The following ASCC3 variants were observed in gnomAD, a reference collection of about 807,000 sequenced individuals.
ASCC3 encodes activating signal cointegrator 1 complex subunit 3.
ASCC3 carries 158 observed loss-of-function variants against 256.3 expected under a neutral mutation model. The observed-to-expected ratio is 0.62, with a 90% CI of 0.54 to 0.70. The LOEUF (loss-of-function observed/expected upper bound fraction) is 0.70, where lower values mean the gene tolerates loss of function less well. ASCC3 is among the 30% of genes least tolerant of loss of function. ASCC3 has a pLI of 0.00. For synonymous variants in ASCC3, 948 were observed against 883.4 expected (o/e 1.07, Z -1.30); for missense variants, 2,259 against 2,626.0 (o/e 0.86, Z 3.05).
At chr6:100,540,449 G>A in intron 36 of ASCC3, 62 bp from the exon 37 acceptor site, 1 of 1,346,402 alleles carries the variant, frequency 7.4e-7, no homozygotes, top group South Asian at 1.2e-5. Context: ...GTACTTCTTA[G>A]CTTTACTGAC....
intron 14 of ASCC3, among the ~76,000 whole-genome samples, chr6:100,666,713 G>A (rs944610646): frequency 4.1e-4 from 62 of 152,080 alleles, no homozygotes; most frequent in African/African-American, 8.5e-4. Context: ...ATCCACCTGT[G>A]TTATAATACA....
At chr6:100,685,489 C>T (rs1008348428) in intron 13 of ASCC3, among the ~76,000 whole-genome samples, 1 of 152,218 alleles carries the variant, frequency 6.6e-6, no homozygotes, top group Non-Finnish European at 1.5e-5. Flanking sequence ...GAGTCAGAAA[C>T]TCTGAGGGTG....
At chr6:100,832,559 G>A (rs12527901) in intron 4 of ASCC3, among the ~76,000 whole-genome samples, 22,437 of 151,872 alleles carry the variant, frequency 0.15, 2,715 homozygotes, top group East Asian at 0.36. Flanking sequence ...ACACTCAAAT[G>A]AATAAATCAT....
chr6:100,798,034 T>C (rs555399090), intron 8 of ASCC3, among the ~76,000 whole-genome samples: 1 of 152,272 alleles, frequency 6.6e-6, no homozygotes, highest in East Asian at 1.9e-4. Flanking sequence ...GAGTATTCTT[T>C]ATGATGCTTT....
intron 4 of ASCC3, among the ~76,000 whole-genome samples, chr6:100,817,425 T>G (rs989579067): frequency 4.0e-5 from 6 of 151,128 alleles, no homozygotes; most frequent in Non-Finnish European, 5.9e-5. Context: ...TAATAAAGCT[T>G]AGAGCAAAAA....
chr6:100,650,428 G>GT, intron 20 of ASCC3, 110 bp downstream of exon 20: 1 of 1,081,798 alleles, frequency 9.2e-7, no homozygotes, highest in Non-Finnish European at 1.4e-6. Flanking sequence ...TAAAATGGTG[G>GT]TTTGGTAGCA....
intron 23 of ASCC3, among the ~76,000 whole-genome samples, chr6:100,643,791 T>C (rs1233818998): frequency 6.6e-6 from 1 of 150,850 alleles, no homozygotes; most frequent in African/African-American, 2.5e-5. Flanking sequence ...TGGTCCCTTG[T>C]TCACTGAAAT....
intron 13 of ASCC3, among the ~76,000 whole-genome samples, chr6:100,703,432 G>A (rs188172816): frequency 1.4e-4 from 22 of 152,044 alleles, no homozygotes; most frequent in African/African-American, 5.3e-4. Flanking sequence ...TTTGGTGACA[G>A]TAAAATAAGT....
At position 100,601,894 on chromosome 6, in the gene ASCC3, G is replaced by C; in HGVS notation, c.5219C>G (p.Ala1740Gly). 1 of 1,612,438 alleles carries C rather than the reference G, an allele frequency of 6.2e-7. No homozygotes were observed. The highest frequency in any genetic ancestry group is 8.5e-7 in the Non-Finnish European group (1 of 1,178,822). The stretch of plus-strand genomic sequence containing the variant: ...TTGCTTAGATGTAATTGTACCACCA[G>C]CAATCTCTGCATTTAAGTGGTCAGA... Reference protein sequence around the residue: ...VLSDHLNAEIAGGTITSKQDA... With the variant: ...VLSDHLNAEIGGGTITSKQDA... Residue 1740 changes from alanine to glycine, a missense_variant, in exon 34 of 42, where the codon GCT becomes GGT. Around this residue, in one of 2 missense-constraint regions of ASCC3, gnomAD observed 1,839 missense variants for 2,206.7 expected, o/e 0.83. Transcript: ENST00000369162.
intron 10 of ASCC3, among the ~76,000 whole-genome samples, chr6:100,739,201 T>C (rs1460967944): frequency 6.6e-6 from 1 of 152,222 alleles, no homozygotes; most frequent in Admixed American, 6.5e-5. Flanking sequence ...GAGATATTCA[T>C]GTGGTTTTTG....
intron 13 of ASCC3, among the ~76,000 whole-genome samples, chr6:100,696,319 ATATT>A (rs1420717933): frequency 1.3e-5 from 2 of 152,178 alleles, no homozygotes; most frequent in African/African-American, 4.8e-5. Flanking sequence ...TCATATTTGA[ATATT>A]TATCTCCTTT....
chr6:100,667,601 T>A (rs1776544665), intron 14 of ASCC3, among the ~76,000 whole-genome samples: 1 of 151,996 alleles, frequency 6.6e-6, no homozygotes. Context: ...AGGTTAAAGT[T>A]GGCTAGAAAG....
intron 30 of ASCC3, among the ~76,000 whole-genome samples, chr6:100,618,606 C>T (rs1332213755): frequency 6.6e-6 from 1 of 152,132 alleles, no homozygotes; most frequent in Non-Finnish European, 1.5e-5. Context: ...CTTCCTTTTC[C>T]TCACGAAGGC....
chr6:100,613,843 G>A (rs1313127416), intron 30 of ASCC3, among the ~76,000 whole-genome samples: 1 of 152,046 alleles, frequency 6.6e-6, no homozygotes, highest in East Asian at 1.9e-4. Context: ...GATGATAATA[G>A]CCATTTTGAC....
chr6:100,530,488 G>C (rs537033087), intron 37 of ASCC3: 1 of 790,152 alleles, frequency 1.3e-6, no homozygotes, highest in African/African-American at 1.7e-5. Flanking sequence ...CTGTACAATA[G>C]AGACAAAGAT....
chr6:100,644,244 C>G, intron 22 of ASCC3, 115 bp from the exon 23 acceptor site: 1 of 736,234 alleles, frequency 1.4e-6, no homozygotes, highest in East Asian at 2.7e-5. Context: ...ACAAAGTTTA[C>G]TCATTTAAAC....
At chr6:100,569,682 G>A (rs1339260492) in intron 36 of ASCC3, among the ~76,000 whole-genome samples, 1 of 152,100 alleles carries the variant, frequency 6.6e-6, no homozygotes, top group Non-Finnish European at 1.5e-5. Context: ...GTCGGTTACT[G>A]TAACCTTTTA....
Position 100,608,125 on chromosome 6 carries a change from T to TATATATGTATATATATCTATATAC in ASCC3, c.4786-1038_4786-1037insGTATATAGATATATATACATATAT. Among the ~76,000 whole-genome samples the TATATATGTATATATATCTATATAC allele has an allele frequency of 1.8e-5, 2 of 113,680 alleles. 1 individual carries two copies. The highest frequency in any genetic ancestry group is 6.6e-5 in the African/African-American group (2 of 30,224). The allele number at this position is 113,680 out of a possible 152,430, so 74.6% of individuals were successfully genotyped here. A position where few individuals can be genotyped will look rare whatever the true frequency, so the allele number is the denominator to read the frequency against. On this transcript the variant is annotated intron_variant, in intron 30 of 41. Coordinates refer to ENST00000369162, the MANE Select transcript of ASCC3 (RefSeq NM_006828.4). Reference sequence around the variant, plus strand: ...ATATATATGTATATATATCTATATATACATATATATGTATATATATCTATA... The same window carrying TATATATGTATATATATCTATATAC: ...ATATATATGTATATATATCTATATATATATATGTATATATATCTATATACACATATATATGTATATATATCTATA...
At chr6:100,803,968 A>T (rs1356188782) in intron 5 of ASCC3, among the ~76,000 whole-genome samples, 2 of 139,742 alleles carry the variant, frequency 1.4e-5, no homozygotes, top group African/African-American at 5.5e-5. Context: ...TGGTAAAGGT[A>T]AAAAAAAATT....
Sources: gnomAD v4.1 joint callset for allele counts (sites outside exome capture counted in the v4.1 genomes callset) on GRCh38, gnomAD v4.1.1 for gene constraint, gnomAD v4.1.1 regional missense constraint, MANE v1.5 for transcripts, NCBI Gene and HGNC (gene_info 2026-07-23, HGNC 2026-07-21) for gene names.